RBM27: variants seen among roughly 807,000 people sequenced by gnomAD.
The protein encoded by RBM27 is RNA-binding protein 27.
RBM27 carries 22 observed loss-of-function variants against 135.3 expected under a neutral mutation model. That is an observed-to-expected ratio of 0.16 (90% confidence interval 0.12 to 0.23). RBM27 has a LOEUF of 0.23. Ranked by LOEUF, RBM27 falls within the 10% of genes least tolerant of loss-of-function variation. The pLI is 1.00. For missense variants in RBM27, 1,009 were observed against 1,281.0 expected (o/e 0.79, Z 3.24); for synonymous variants, 481 against 442.4 (o/e 1.09, Z -1.10).
intron 9 of RBM27, among the ~76,000 whole-genome samples, chr5:146,254,564 T>A (rs1268466355): frequency 1.3e-4 from 20 of 148,166 alleles, no homozygotes; most frequent in Non-Finnish European, 3.0e-5. Context: ...AGGAAAAAAA[T>A]AAAAATAAAA....
chr5:146,259,111 T>C (rs754839332), intron 11 of RBM27, among the ~76,000 whole-genome samples: 3 of 151,434 alleles, frequency 2.0e-5, no homozygotes, highest in Non-Finnish European at 2.9e-5. Context: ...CCTAACCCAA[T>C]ATTAGAAATT....
intron 15 of RBM27, among the ~76,000 whole-genome samples, chr5:146,268,578 TTTTTC>T (rs538361651): frequency 1.2e-3 from 190 of 152,104 alleles, no homozygotes; most frequent in African/African-American, 3.2e-3. Flanking sequence ...GCATGTCACT[TTTTTC>T]TTTTCTTTTC....
At chr5:146,282,575 A>G (rs1407850852) in intron 19 of RBM27, among the ~76,000 whole-genome samples, 2 of 152,248 alleles carry the variant, frequency 1.3e-5, no homozygotes, top group Non-Finnish European at 2.9e-5. Context: ...AACTATTTAC[A>G]TAGCTTTTAC....
chr5:146,222,248 G>T (rs2126720152), intron 2 of RBM27, among the ~76,000 whole-genome samples: 1 of 152,198 alleles, frequency 6.6e-6, no homozygotes, highest in East Asian at 1.9e-4. Flanking sequence ...ATGCTTTTCT[G>T]TAGAAAAGAT....
chr5:146,211,949 ACAGT>A (rs1167326704), intron 1 of RBM27, among the ~76,000 whole-genome samples: 3 of 152,188 alleles, frequency 2.0e-5, no homozygotes, highest in African/African-American at 7.2e-5. Context: ...TTATATAGCT[ACAGT>A]CAGACTCATT....
Position 146,230,820 on chromosome 5 carries a change from C to T in RBM27, c.753C>T (p.Asn251=). The change falls in exon 6 of 21, where the codon AAC becomes AAT. Residue 251 remains asparagine, a synonymous_variant. Coordinates refer to ENST00000265271, the MANE Select transcript of RBM27 (RefSeq NM_018989.2). The stretch of plus-strand genomic sequence containing the variant: ...TCGCACCTGCTCACCACTCTGAAAA[C>T]ACAACTGAGAGTTGGTCTAATTACT... ...TVIAPAHHSE[N]TTESWSNYYN... is the part of the protein sequence containing the mutation. 6.2e-7 allele frequency: 1 copy of T among 1,613,986 alleles called. No individual in the cohort carries two copies. Among genetic ancestry groups the T allele is most frequent in the Non-Finnish European group, 8.5e-7 (1 of 1,179,896 alleles).
chr5:146,216,268 C>G (rs751178528), intron 1 of RBM27, among the ~76,000 whole-genome samples: 5 of 152,162 alleles, frequency 3.3e-5, no homozygotes, highest in Non-Finnish European at 7.3e-5. Flanking sequence ...AACTTCTGGA[C>G]TCAAGCGATT....
At chr5:146,237,730 C>T (rs1365135607) in intron 8 of RBM27, among the ~76,000 whole-genome samples, 1 of 152,182 alleles carries the variant, frequency 6.6e-6, no homozygotes, top group Non-Finnish European at 1.5e-5. Context: ...CTCTGTCACC[C>T]AGGCTGGAGT....
At chr5:146,248,878 A>G (rs1327703130) in intron 8 of RBM27, among the ~76,000 whole-genome samples, 1 of 152,118 alleles carries the variant, frequency 6.6e-6, no homozygotes, top group Non-Finnish European at 1.5e-5. Flanking sequence ...TTAATTAGAT[A>G]GTATACTTAG....
At chr5:146,209,121 CTGTTA>C (rs1158819393) in intron 1 of RBM27, among the ~76,000 whole-genome samples, 1 of 152,074 alleles carries the variant, frequency 6.6e-6, no homozygotes, top group African/African-American at 2.4e-5. Flanking sequence ...GTCACCAAGT[CTGTTA>C]TGAGTATTAA....
intron 14 of RBM27, 139 bp from the exon 15 acceptor site, chr5:146,267,510 A>T (rs1454984046): frequency 1.6e-5 from 9 of 575,052 alleles, no homozygotes; most frequent in Non-Finnish European, 2.7e-5. Context: ...AGATTTTATA[A>T]TGAAATTTTT....
chr5:146,271,109 G>C (rs755982208), intron 18 of RBM27, 51 bp downstream of exon 18: 73 of 1,452,922 alleles, frequency 5.0e-5, no homozygotes, highest in Non-Finnish European at 7.0e-5. Context: ...TCTCAAAAAA[G>C]TTTTCCTTTG....
At chr5:146,233,057 T>C (rs1463071052) in intron 6 of RBM27, among the ~76,000 whole-genome samples, 2 of 152,240 alleles carry the variant, frequency 1.3e-5, no homozygotes, top group African/African-American at 4.8e-5. Context: ...AATAATGTAA[T>C]GAGAATAGAT....
intron 8 of RBM27, among the ~76,000 whole-genome samples, chr5:146,251,248 T>C (rs1347104460): frequency 1.3e-5 from 2 of 152,214 alleles, no homozygotes; most frequent in Non-Finnish European, 2.9e-5. Context: ...TGCTCTCAGA[T>C]ACGGGAGCAT....
chr5:146,263,606 C>G lies in RBM27; in HGVS notation c.2306C>G (p.Ser769Cys). ...GATGCATCACATTTGTTGAATCAGT[C>G]TGGTGGTGCTGGAGAAGATTGCCAG... Reference protein sequence around the residue: ...QSDASHLLNQSGGAGEDCQIF... With the variant: ...QSDASHLLNQCGGAGEDCQIF... Residue 769 changes from serine to cysteine, a missense_variant, in exon 14 of 21, where the codon TCT (serine) becomes TGT (cysteine). By Grantham distance (112) the Ser-to-Cys change is moderately radical. Around this residue, in one of 6 missense-constraint regions of RBM27, gnomAD observed 355 missense variants for 427.3 expected, o/e 0.83. Transcript: ENST00000265271. The G allele has an allele frequency of 1.9e-6, 3 of 1,613,920 alleles. No homozygotes were observed. Among genetic ancestry groups the G allele is most frequent in the Non-Finnish European group, 2.5e-6 (3 of 1,179,948 alleles).
At chr5:146,212,590 G>A (rs1210483771) in intron 1 of RBM27, among the ~76,000 whole-genome samples, 1 of 151,978 alleles carries the variant, frequency 6.6e-6, no homozygotes, top group African/African-American at 2.4e-5. Flanking sequence ...CTGAGCTGAA[G>A]CAATCCTCCC....
intron 8 of RBM27, 60 bp from the exon 9 acceptor site, chr5:146,251,651 T>A: frequency 6.8e-7 from 1 of 1,469,450 alleles, no homozygotes; most frequent in Non-Finnish European, 9.4e-7. Context: ...AAACACATCA[T>A]CACCTAAGAG....
At chr5:146,272,571 A>T (rs1758915601) in intron 19 of RBM27, among the ~76,000 whole-genome samples, 1 of 152,012 alleles carries the variant, frequency 6.6e-6, no homozygotes, top group African/African-American at 2.4e-5. Flanking sequence ...AAAATACAAA[A>T]ATTAGCTGGG....
Position 146,275,960 on chromosome 5 carries a change from T to C in RBM27, c.2988+4286T>C, listed in dbSNP as rs538869089. On this transcript the variant is annotated intron_variant, in intron 19 of 20. Coordinates refer to ENST00000265271, the MANE Select transcript of RBM27 (RefSeq NM_018989.2). ...AGAAATTCAGCTGCTCAGATTAATATATTTCTCTTCTTCTATCCTACCATG... is the reference window on the plus strand; with the variant it reads ...AGAAATTCAGCTGCTCAGATTAATACATTTCTCTTCTTCTATCCTACCATG... Among the ~76,000 whole-genome samples the C allele has an allele frequency of 2.0e-5, 3 of 152,324 alleles. No homozygotes were observed. The South Asian group carries it at 6.2e-4, about 32-fold the overall frequency.
Sources: gnomAD v4.1 joint callset for allele counts (sites outside exome capture counted in the v4.1 genomes callset) on GRCh38, gnomAD v4.1.1 for gene constraint, gnomAD v4.1.1 regional missense constraint, MANE v1.5 for transcripts, NCBI Gene and HGNC (gene_info 2026-07-23, HGNC 2026-07-21) for gene names.